Variants in HELQ observed in about 807,000 individuals in gnomAD.
HELQ encodes the protein helicase, POLQ like.
In HELQ, 77 loss-of-function variants were observed where a neutral mutation model predicts 111.6. That is an observed-to-expected ratio of 0.69 (90% CI 0.57 to 0.83). The LOEUF is 0.83. Among genes scored for constraint, HELQ ranks in the 40% least tolerant of loss-of-function variants. The probability of loss-of-function intolerance (pLI) is 0.00; values close to 1 mark genes in which losing one functional copy is unlikely to be tolerated. For synonymous variants in HELQ, 438 were observed against 454.7 expected (o/e 0.96, Z 0.47); for missense variants, 1,200 against 1,288.5 (o/e 0.93, Z 1.05).
chr4:83,410,983 T>TC (rs1739055843), intron 17 of HELQ, among the ~76,000 whole-genome samples: 1 of 147,698 alleles, frequency 6.8e-6, no homozygotes, highest in Admixed American at 6.9e-5. Flanking sequence ...AAACCCCATC[T>TC]CTAAAAAAAA....
At chr4:83,433,767 A>AGG (rs1720292662) in intron 9 of HELQ, among the ~76,000 whole-genome samples, 1 of 151,768 alleles carries the variant, frequency 6.6e-6, no homozygotes, top group Non-Finnish European at 1.5e-5. Context: ...GAGGATCACG[A>AGG]GGTCAATAGA....
At chr4:83,432,061 T>C (rs1720182648) in intron 10 of HELQ, 65 bp downstream of exon 10, 6 of 1,035,240 alleles carry the variant, frequency 5.8e-6, no homozygotes, top group Non-Finnish European at 4.1e-6. Flanking sequence ...GATGATTTCA[T>C]AAAAGGGCTA....
chr4:83,431,674 A>G lies in HELQ; in HGVS notation c.2285T>C (p.Ile762Thr). The G allele has an allele frequency of 5.2e-6, 8 of 1,536,298 alleles. No homozygotes were observed. Among genetic ancestry groups the G allele is most frequent in the Non-Finnish European group, 7.1e-6 (8 of 1,134,456 alleles). ...KGIQTLFLSLIGLKIATNLDD... is the reference protein window; with the variant it reads ...KGIQTLFLSLTGLKIATNLDD... ...ATTTAAGAAAAATACCTTCAAACCA[A>G]TCAAAGAGAGAAATAATGTTTGGAT... The change falls in exon 11 of 18, where the codon ATT becomes ACT. Residue 762 changes from isoleucine to threonine, a missense_variant. This residue lies in a region of HELQ where 585 missense variants were observed against 665.3 expected (regional missense o/e 0.88). Transcript: ENST00000295488.
chr4:83,434,376 T>C (rs1720335055), intron 9 of HELQ, among the ~76,000 whole-genome samples: 1 of 151,870 alleles, frequency 6.6e-6, no homozygotes, highest in Non-Finnish European at 1.5e-5. Context: ...AGACTCTGTC[T>C]CACAAAAAAG....
At chr4:83,452,874 C>A (rs1721470691) in intron 2 of HELQ, among the ~76,000 whole-genome samples, 1 of 152,190 alleles carries the variant, frequency 6.6e-6, no homozygotes, top group African/African-American at 2.4e-5. Flanking sequence ...TACTTAGAAG[C>A]TACCAATATA....
rs376788918 is a variant in HELQ at position 83,407,409 on chromosome 4, T to C, written c.*44A>G. ...TATAAGTTATCTTTAATAACACACA[T>C]GTACAATAAATAATTCATATATGAA... On this transcript the variant is annotated 3_prime_UTR_variant, in exon 18 of 18. Coordinates refer to ENST00000295488, the MANE Select transcript of HELQ (RefSeq NM_133636.5). 8.3e-7 allele frequency: 1 copy of C among 1,200,766 alleles called. No individual in the cohort carries two copies. The highest frequency in any genetic ancestry group is 1.2e-6 in the Non-Finnish European group (1 of 834,522). The allele number at this position is 1,200,766 out of a possible 1,614,324, so 74.4% of individuals were successfully genotyped here.
Position 83,453,874 on chromosome 4 carries a change from A to G in HELQ, c.369T>C (p.Val123=). The G allele has an allele frequency of 6.2e-7, 1 of 1,614,068 alleles. No individual in the cohort carries two copies. Among genetic ancestry groups the G allele is most frequent in the Non-Finnish European group, 8.5e-7 (1 of 1,179,934 alleles). ...GCATATATTTTTGTTCCAGGTCGTC[A>G]ACTTGAGCTATAAAGGAGTTTTCAG... ...SFTENSFIAQ[V]DDLEQKYMQL... is the part of the protein sequence containing the mutation. Residue 123 remains valine, a synonymous_variant, in exon 2 of 18, where the codon GTT becomes GTC. Coordinates refer to ENST00000295488, the MANE Select transcript of HELQ (RefSeq NM_133636.5).
intron 17 of HELQ, among the ~76,000 whole-genome samples, chr4:83,413,209 C>T (rs1179856070): frequency 2.6e-5 from 4 of 152,154 alleles, no homozygotes; most frequent in Admixed American, 6.5e-5. Context: ...TCCTGAGTTT[C>T]GTGAGCTGAC....
chr4:83,443,610 C>A lies in HELQ; in HGVS notation c.1470G>T (p.Thr490=). 1 of 1,479,618 alleles carries A rather than the reference C, an allele frequency of 6.8e-7. No individual in the cohort carries two copies. The highest frequency in any genetic ancestry group is 1.2e-5 in the South Asian group (1 of 83,502). The allele number at this position is 1,479,618 out of a possible 1,614,324, so 91.7% of individuals were successfully genotyped here. A position where few individuals can be genotyped will look rare whatever the true frequency, so the allele number is the denominator to read the frequency against. ...TLAKILYTSK[T]TQIIGMSATL... ...TTGCACTCATACCAATAATTTGAGT[C>A]GTTTCTAAAACACAAACAAACAAAA... is the stretch of plus-strand genomic sequence containing the variant. Residue 490 remains threonine (T), a synonymous_variant, in exon 6 of 18, where the codon ACG becomes ACT. Coordinates refer to ENST00000295488, the MANE Select transcript of HELQ (RefSeq NM_133636.5).
chr4:83,442,054 C>T (rs1411848986), intron 6 of HELQ, among the ~76,000 whole-genome samples: 2 of 151,924 alleles, frequency 1.3e-5, no homozygotes, highest in Non-Finnish European at 2.9e-5. Flanking sequence ...CATGAGCCAC[C>T]GTGTCCAGCC....
intron 11 of HELQ, among the ~76,000 whole-genome samples, chr4:83,430,924 A>G (rs1472293684): frequency 2.0e-5 from 3 of 152,192 alleles, no homozygotes; most frequent in East Asian, 1.9e-4. Context: ...TGATCCCTCT[A>G]TCTACCATCA....
chr4:83,413,614 C>G (rs7687840), intron 17 of HELQ, among the ~76,000 whole-genome samples: 27,216 of 152,142 alleles, frequency 0.18, 3,985 homozygotes, highest in African/African-American at 0.4. Flanking sequence ...TCCTTTCAAT[C>G]TAGGTCTTAA....
In HELQ at chr4:83,452,473, G is replaced by A. The variant is rs111877211; in HGVS notation, c.1012+758C>T. ...GATGCACCCGTGGGGAGAGGTAGCT[G>A]CGGCTGCTGGTGTGGGGGGAAAGAT... On this transcript the variant is annotated intron_variant, in intron 2 of 17. Coordinates refer to ENST00000295488, the MANE Select transcript of HELQ (RefSeq NM_133636.5). Among the ~76,000 whole-genome samples the A allele has an allele frequency of 4.2e-3, 647 of 152,286 alleles. 7 individuals are homozygous for A. The highest frequency in any genetic ancestry group is 0.015 in the African/African-American group (614 of 41,556).
At chr4:83,409,471 G>A (rs1578058673) in intron 17 of HELQ, among the ~76,000 whole-genome samples, 1 of 151,770 alleles carries the variant, frequency 6.6e-6, no homozygotes, top group Admixed American at 6.6e-5. Flanking sequence ...GGAGAATGGC[G>A]TGAACCTGGG....
At chr4:83,426,863 G>C (rs548713470) in intron 13 of HELQ, among the ~76,000 whole-genome samples, 1 of 152,196 alleles carries the variant, frequency 6.6e-6, no homozygotes, top group African/African-American at 2.4e-5. Context: ...ACCACATGCA[G>C]CCCTAATATA....
At position 83,446,061 on chromosome 4, in the gene HELQ, C is replaced by T. The variant is rs550125548; in HGVS notation, c.1418G>A (p.Arg473His). 3.1e-5 allele frequency: 50 copies of T among 1,613,274 alleles called. No homozygotes were observed. The East Asian group carries it at 8.9e-4, about 29-fold the overall frequency. ...DELHMIGEGSRGATLEMTLAK... is the reference protein window; with the variant it reads ...DELHMIGEGSHGATLEMTLAK... ...TAGGGTCATTTCCAGTGTAGCTCCACGGCTTCCTTCACCAATCATGTGCAA... is the reference window on the plus strand; with the variant it reads ...TAGGGTCATTTCCAGTGTAGCTCCATGGCTTCCTTCACCAATCATGTGCAA... The change falls in exon 5 of 18, where the codon CGT (arginine) becomes CAT (histidine). Residue 473 changes from arginine (R) to histidine (H), a missense_variant. Coordinates refer to ENST00000295488, the MANE Select transcript of HELQ (RefSeq NM_133636.5).
Position 83,417,469 on chromosome 4 carries a change from C to A in HELQ, c.3064-604G>T, listed in dbSNP as rs1739425307. On this transcript the variant is annotated intron_variant, in intron 16 of 17. Coordinates refer to ENST00000295488, the MANE Select transcript of HELQ (RefSeq NM_133636.5). ...CCACCCACCTTGGCCTCCCAAAGTG[C>A]TGTGATTGCAGCATGAGCCACATCA... Among the ~76,000 whole-genome samples the A allele has an allele frequency of 3.9e-5, 6 of 152,274 alleles. No individual in the cohort carries two copies. In the South Asian group the frequency reaches 1.2e-3, roughly 32 times the overall value.
intron 3 of HELQ, 75 bp downstream of exon 3, chr4:83,448,708 G>A: frequency 1.8e-6 from 2 of 1,131,094 alleles, no homozygotes; most frequent in Admixed American, 2.3e-5. Flanking sequence ...ACAATACAAA[G>A]TTATCACATT....
intron 17 of HELQ, among the ~76,000 whole-genome samples, chr4:83,416,206 C>T (rs1282612007): frequency 2.0e-5 from 3 of 151,680 alleles, no homozygotes; most frequent in Non-Finnish European, 2.9e-5. Context: ...CCTCGGCCTC[C>T]CAAAGTGCTG....
Sources: allele counts gnomAD v4.1 joint callset (sites outside exome capture counted in the v4.1 genomes callset), GRCh38; gene constraint gnomAD v4.1.1; regional missense constraint gnomAD v4.1.1; transcripts MANE v1.5; gene names NCBI Gene and HGNC (gene_info 2026-07-23, HGNC 2026-07-21).